SOX30: variants seen among roughly 807,000 people sequenced by gnomAD.
The protein encoded by SOX30 is transcription factor SOX-30.
A neutral mutation model predicts 58.6 loss-of-function variants in SOX30; 17 were observed. The observed-to-expected ratio is 0.29, with a 90% CI of 0.20 to 0.44. The LOEUF is 0.44. Ranked by LOEUF, SOX30 falls within the 20% of genes least tolerant of loss-of-function variation. The pLI, the probability that SOX30 is intolerant of heterozygous loss-of-function variation, is 1.00. For synonymous variants in SOX30, 421 were observed against 400.2 expected, an observed-to-expected ratio of 1.05 and a Z score of -0.62; for missense variants, 951 against 965.8, an observed-to-expected ratio of 0.98 and a Z score of 0.20.
At chr5:157,654,241 T>C (rs1471951970), upstream of SOX30, among the ~76,000 whole-genome samples, 1 of 151,942 alleles carries the variant, frequency 6.6e-6, no homozygotes, top group East Asian at 1.9e-4. Context: ...ATATTTACCA[T>C]GTTGTAAATA....
In SOX30 at chr5:157,651,108, A is replaced by G. The variant is rs751733939; in HGVS notation, c.967+4T>C. The G allele has an allele frequency of 6.5e-7, 1 of 1,528,228 alleles. No individual in the cohort carries two copies. Among genetic ancestry groups the G allele is most frequent in the Admixed American group, 2.1e-5 (1 of 47,020 alleles). The allele number at this position is 1,528,228 out of a possible 1,614,324, so 94.7% of individuals were successfully genotyped here. A position where few individuals can be genotyped will look rare whatever the true frequency, so the allele number is the denominator to read the frequency against. Reference sequence around the variant, plus strand: ...GAAAACCCGACTCCCCTGCTGTCTAATACCTGCATCTGAGGGCAACACGGT... The same window carrying G: ...GAAAACCCGACTCCCCTGCTGTCTAGTACCTGCATCTGAGGGCAACACGGT... On this transcript the variant is annotated splice_donor_region_variant and intron_variant, in intron 1 of 4. Coordinates refer to ENST00000265007, the MANE Select transcript of SOX30 (RefSeq NM_178424.2).
chr5:157,661,801 A>G (rs1157673320), intron 2 of SOX30, among the ~76,000 whole-genome samples: 2 of 152,240 alleles, frequency 1.3e-5, no homozygotes, highest in Admixed American at 1.3e-4. Context: ...TAGCATTTAC[A>G]TTCATGACGA....
intron 4 of SOX30, among the ~76,000 whole-genome samples, chr5:157,636,083 G>A (rs1210012560): frequency 1.3e-5 from 2 of 152,132 alleles, no homozygotes; most frequent in Non-Finnish European, 1.5e-5. Flanking sequence ...TAAAAACTAC[G>A]TGTAAAAATT....
chr5:157,632,050 A>C (rs1222062699), intron 4 of SOX30, among the ~76,000 whole-genome samples: 1 of 87,400 alleles, frequency 1.1e-5, no homozygotes, highest in African/African-American at 4.4e-5. Context: ...CCGTAACTAA[A>C]AAAAAAAAAA....
chr5:157,629,054 A>G (rs1451765414), intron 4 of SOX30, among the ~76,000 whole-genome samples: 1 of 152,174 alleles, frequency 6.6e-6, no homozygotes, highest in African/African-American at 2.4e-5. Flanking sequence ...GTACAAACAT[A>G]CAGTTAGATA....
At chr5:157,627,756 A>G (rs1021164803) in intron 4 of SOX30, among the ~76,000 whole-genome samples, 3 of 152,174 alleles carry the variant, frequency 2.0e-5, no homozygotes, top group African/African-American at 7.2e-5. Flanking sequence ...GCACTCTGGG[A>G]GGCCGAGGTG....
chr5:157,628,324 C>T (rs1010425892), intron 4 of SOX30, among the ~76,000 whole-genome samples: 5 of 149,622 alleles, frequency 3.3e-5, no homozygotes, highest in East Asian at 2.0e-4. Flanking sequence ...CCATACTCAT[C>T]GGCAAAACCC....
At chr5:157,646,509 C>A in intron 3 of SOX30, 128 bp downstream of exon 3, 2 of 699,670 alleles carry the variant, frequency 2.9e-6, no homozygotes, top group Non-Finnish European at 4.7e-6. Flanking sequence ...TTCTCACTTT[C>A]CCTCTTCTTT....
At position 157,626,182 on chromosome 5, in the gene SOX30, C is replaced by T. The variant is rs1561576471; in HGVS notation, c.*158G>A. On this transcript the variant is annotated 3_prime_UTR_variant, in exon 5 of 5. Coordinates refer to ENST00000265007, the MANE Select transcript of SOX30 (RefSeq NM_178424.2). ...ACATCCAGACTCTAGTTTCACTAAT[C>T]AAAATTTTATGAAGACATAAATTGC... 2 of 602,092 alleles carry T rather than the reference C, an allele frequency of 3.3e-6. No homozygotes were observed. The highest frequency in any genetic ancestry group is 1.9e-5 in the African/African-American group (1 of 53,008). The allele number at this position is 602,092 out of a possible 1,614,324, so 37.3% of individuals were successfully genotyped here.
chr5:157,671,453 C>T (rs1303931507), exon 1 of SOX30: 1 of 623,132 alleles, frequency 1.6e-6, no homozygotes, highest in Admixed American at 3.1e-5. Flanking sequence ...TGTCCAACAG[C>T]CCCCGTCCCC....
At chr5:157,634,910 A>G (rs981408451) in intron 4 of SOX30, among the ~76,000 whole-genome samples, 2 of 152,004 alleles carry the variant, frequency 1.3e-5, no homozygotes, top group Non-Finnish European at 2.9e-5. Flanking sequence ...GGCCTCCCAA[A>G]GTGCTGGGAT....
At position 157,626,293 on chromosome 5, in the gene SOX30, A is replaced by G; in HGVS notation, c.*47T>C. 1 of 1,477,552 alleles carries G rather than the reference A, an allele frequency of 6.8e-7. No individual in the cohort carries two copies. Among genetic ancestry groups the G allele is most frequent in the Non-Finnish European group, 9.1e-7 (1 of 1,098,930 alleles). 91.5% of individuals were successfully genotyped at this position (1,477,552 alleles called of 1,614,324 possible). A position where few individuals can be genotyped will look rare whatever the true frequency, so the allele number is the denominator to read the frequency against. On this transcript the variant is annotated 3_prime_UTR_variant, in exon 5 of 5. Coordinates refer to ENST00000265007, the MANE Select transcript of SOX30 (RefSeq NM_178424.2). Reference sequence around the variant, plus strand: ...TTTTTTCTCATACCAACTGACCCAGAATATATTTTAAGAAATGTTTATTTT... The same window carrying G: ...TTTTTTCTCATACCAACTGACCCAGGATATATTTTAAGAAATGTTTATTTT...
chr5:157,647,782 A>C lies in SOX30; in HGVS notation c.1207+875T>G, dbSNP rs565042244. Among the ~76,000 whole-genome samples the C allele has an allele frequency of 9.3e-5, 14 of 151,080 alleles. No homozygotes were observed. The South Asian group carries it at 2.9e-3, about 32-fold the overall frequency. On this transcript the variant is annotated intron_variant, in intron 2 of 4. Coordinates refer to ENST00000265007, the MANE Select transcript of SOX30 (RefSeq NM_178424.2). ...CACTGTGTTAGCCAGGATGGTCTTG[A>C]TCTCCTGACCTCGTGATCCACCCAC...
At chr5:157,627,380 C>CA (rs995317349) in intron 4 of SOX30, among the ~76,000 whole-genome samples, 7 of 151,736 alleles carry the variant, frequency 4.6e-5, no homozygotes, top group African/African-American at 1.2e-4. Context: ...CAAAAACAAA[C>CA]AAAAAAACCC....
intron 1 of SOX30, 23 bp from the exon 2 acceptor site, chr5:157,648,919 C>T (rs1561585149): frequency 2.6e-6 from 4 of 1,547,542 alleles, no homozygotes; most frequent in Non-Finnish European, 3.5e-6. Context: ...AATTAAAAGG[C>T]TAAATTAATG....
At chr5:157,629,302 A>T (rs1758732434) in intron 4 of SOX30, among the ~76,000 whole-genome samples, 1 of 152,178 alleles carries the variant, frequency 6.6e-6, no homozygotes, top group Non-Finnish European at 1.5e-5. Flanking sequence ...ATAAAAATCT[A>T]TCCCTTCCAC....
chr5:157,661,226 A>G (rs572715354), intron 2 of SOX30, among the ~76,000 whole-genome samples: 9 of 152,326 alleles, frequency 5.9e-5, no homozygotes, highest in African/African-American at 1.7e-4. Context: ...TTAGGAAGAA[A>G]GCATCCAGTC....
At chr5:157,666,478 G>GACACACAC (rs375835461) in intron 2 of SOX30, among the ~76,000 whole-genome samples, 51 of 132,528 alleles carry the variant, frequency 3.8e-4, no homozygotes, top group East Asian at 1.2e-3. Context: ...TAGTCCAGTA[G>GACACACAC]ACACACACAC....
chr5:157,652,735 A>G (rs1233965531), upstream of SOX30, among the ~76,000 whole-genome samples: 2 of 152,256 alleles, frequency 1.3e-5, no homozygotes, highest in South Asian at 2.1e-4. Context: ...AATACTATAC[A>G]TCCCAAATTC....
Sources: gnomAD v4.1 joint callset for allele counts (sites outside exome capture counted in the v4.1 genomes callset) on GRCh38, gnomAD v4.1.1 for gene constraint, MANE v1.5 for transcripts, NCBI Gene and HGNC (gene_info 2026-07-23, HGNC 2026-07-21) for gene names.